Variants in TMIGD3 observed in about 807,000 individuals in gnomAD.
TMIGD3 encodes the protein transmembrane and immunoglobulin domain containing 3, also known as AD026 protein (AD026).
A neutral mutation model predicts 28.1 loss-of-function variants in TMIGD3; 21 were observed. The ratio of observed to expected loss-of-function variants is 0.75; its 90% CI spans 0.53 to 1.08. The LOEUF (loss-of-function observed/expected upper bound fraction) is 1.08. TMIGD3 is among the 50% of genes least tolerant of loss of function. The pLI, the probability that TMIGD3 is intolerant of heterozygous loss-of-function variation, is 0.00. For missense variants in TMIGD3, 416 were observed against 435.6 expected, an observed-to-expected ratio of 0.96 and a Z score of 0.40; for synonymous variants, 151 against 162.1, an observed-to-expected ratio of 0.93 and a Z score of 0.52.
At chr1:111,551,957 C>T (rs1165573488) in intron 1 of TMIGD3, among the ~76,000 whole-genome samples, 3 of 152,142 alleles carry the variant, frequency 2.0e-5, no homozygotes, top group Non-Finnish European at 2.9e-5. Flanking sequence ...ATGCACCTGG[C>T]CTTCTAAATT....
chr1:111,503,195 G>A lies in TMIGD3; in HGVS notation c.160C>T (p.Leu54=). Residue 54 remains leucine, a synonymous_variant, in exon 1 of 6, where the codon CTA becomes TTA. Coordinates refer to ENST00000369716, the MANE Select transcript of TMIGD3 (RefSeq NM_020683.7). ...CCAACAGCAATGTCAGCCAGGGCTA[G>A]AGAGACAATGAAATAGAAGGTGGTG... ...QTTTFYFIVS[L]ALADIAVGVL... is the part of the protein sequence containing the mutation. 1 of 1,614,264 alleles carries A rather than the reference G, an allele frequency of 6.2e-7. No individual in the cohort carries two copies. The highest frequency in any genetic ancestry group is 1.1e-5 in the South Asian group (1 of 91,090).
intron 1 of TMIGD3, among the ~76,000 whole-genome samples, chr1:111,555,017 T>C (rs1657423999): frequency 6.6e-6 from 1 of 151,398 alleles, no homozygotes; most frequent in Non-Finnish European, 1.5e-5. Flanking sequence ...ATATAACACA[T>C]TTAAAAGTAA....
chr1:111,532,936 G>A (rs1656503717), intron 1 of TMIGD3, among the ~76,000 whole-genome samples: 1 of 152,240 alleles, frequency 6.6e-6, no homozygotes, highest in Non-Finnish European at 1.5e-5. Flanking sequence ...TCCCACTAGT[G>A]TGGTTGCGGG....
chr1:111,550,703 C>T (rs1657222373), intron 1 of TMIGD3, among the ~76,000 whole-genome samples: 2 of 152,154 alleles, frequency 1.3e-5, no homozygotes, highest in Non-Finnish European at 2.9e-5. Flanking sequence ...ACTATGTTGC[C>T]CAGCAGGCCT....
upstream of TMIGD3, chr1:111,504,045 G>A (rs1557826067): frequency 1.0e-6 from 1 of 985,438 alleles, no homozygotes; most frequent in South Asian, 4.7e-5. Flanking sequence ...ACCTTAGCCA[G>A]AACTATTCCT....
intron 1 of TMIGD3, among the ~76,000 whole-genome samples, chr1:111,557,912 T>C (rs1347447369): frequency 6.6e-6 from 1 of 152,176 alleles, no homozygotes; most frequent in African/African-American, 2.4e-5. Flanking sequence ...ATGTATCAAA[T>C]AGCTTTAGCC....
At chr1:111,543,580 A>C (rs1193036047) in intron 1 of TMIGD3, among the ~76,000 whole-genome samples, 1 of 151,186 alleles carries the variant, frequency 6.6e-6, no homozygotes, top group East Asian at 1.9e-4. Context: ...TCCTCATTAA[A>C]AGATTAGGCC....
intron 1 of TMIGD3, among the ~76,000 whole-genome samples, chr1:111,493,567 C>A (rs906756021): frequency 3.5e-4 from 53 of 152,270 alleles, no homozygotes; most frequent in Non-Finnish European, 6.6e-4. Flanking sequence ...AAATTACCTG[C>A]CCTCAGGTAT....
intron 1 of TMIGD3, among the ~76,000 whole-genome samples, chr1:111,502,114 A>C (rs1275044302): frequency 9.4e-6 from 1 of 106,632 alleles, no homozygotes; most frequent in African/African-American, 3.4e-5. Flanking sequence ...ATTTAATATA[A>C]TAAATATATA....
rs543964610 is a variant in TMIGD3 at position 111,540,032 on chromosome 1, G to A, written c.107+23814C>T. Reference sequence around the variant, plus strand: ...CATTACTTGAGACCAGATACACAGGGAAACTGAAATTTAATAATTTAATTA... The same window carrying A: ...CATTACTTGAGACCAGATACACAGGAAAACTGAAATTTAATAATTTAATTA... On this transcript the variant is annotated intron_variant, in intron 1 of 5. Transcript: ENST00000369717. Among the ~76,000 whole-genome samples, 3 of 152,224 alleles carry A rather than the reference G, an allele frequency of 2.0e-5. No homozygotes were observed. In the East Asian group the frequency reaches 5.8e-4, roughly 29 times the overall value.
intron 1 of TMIGD3, among the ~76,000 whole-genome samples, chr1:111,497,406 G>A (rs1364443170): frequency 6.6e-6 from 1 of 152,144 alleles, no homozygotes; most frequent in Non-Finnish European, 1.5e-5. Context: ...CACTGCACCC[G>A]GCTCCTGTAA....
At chr1:111,555,552 A>G (rs1303217540) in intron 1 of TMIGD3, among the ~76,000 whole-genome samples, 2 of 152,052 alleles carry the variant, frequency 1.3e-5, no homozygotes, top group African/African-American at 4.8e-5. Flanking sequence ...TTCAGCTTAG[A>G]GAAATCATGA....
chr1:111,496,610 A>T (rs1654897400), intron 1 of TMIGD3, among the ~76,000 whole-genome samples: 1 of 152,238 alleles, frequency 6.6e-6, no homozygotes. Flanking sequence ...CAAATACCTC[A>T]TGAAAGTTTC....
intron 1 of TMIGD3, among the ~76,000 whole-genome samples, chr1:111,546,868 A>T (rs867627102): frequency 2.6e-5 from 4 of 152,304 alleles, no homozygotes; most frequent in Middle Eastern, 3.4e-3. Flanking sequence ...CAGTGGCTGC[A>T]CCAGTTTACA....
At chr1:111,520,862 A>G (rs1187012332) in intron 1 of TMIGD3, among the ~76,000 whole-genome samples, 1 of 152,220 alleles carries the variant, frequency 6.6e-6, no homozygotes, top group African/African-American at 2.4e-5. Context: ...TTAGCATGCA[A>G]TAAATTGCAT....
intron 1 of TMIGD3, among the ~76,000 whole-genome samples, chr1:111,528,740 T>C (rs1281878690): frequency 6.6e-6 from 1 of 152,176 alleles, no homozygotes; most frequent in Admixed American, 6.5e-5. Flanking sequence ...CTTATATTGT[T>C]AGATTTATGC....
intron 1 of TMIGD3, among the ~76,000 whole-genome samples, chr1:111,543,522 A>G (rs770332157): frequency 6.6e-6 from 1 of 152,158 alleles, no homozygotes; most frequent in African/African-American, 2.4e-5. Context: ...ATGTTAACAC[A>G]ATCCTTTCTG....
In TMIGD3 at chr1:111,488,870, G is replaced by A; in HGVS notation, c.612C>T (p.Asn204=). The part of the protein sequence containing the change: ...DYCNIIAFSP[N]STNHVALRDT... ...CCCTCAGGGCCACATGATTGGTGCTGTTAGGGGAGAAGGCGATGATGTTGC... is the reference window on the plus strand; with the variant it reads ...CCCTCAGGGCCACATGATTGGTGCTATTAGGGGAGAAGGCGATGATGTTGC... The change falls in exon 3 of 6, where the codon AAC becomes AAT. Residue 204 remains asparagine (N), a synonymous_variant. Coordinates refer to ENST00000369716, the MANE Select transcript of TMIGD3 (RefSeq NM_020683.7). The A allele has an allele frequency of 6.2e-7, 1 of 1,614,232 alleles. No individual in the cohort carries two copies. Among genetic ancestry groups the A allele is most frequent in the Non-Finnish European group, 8.5e-7 (1 of 1,180,046 alleles).
chr1:111,493,310 A>T (rs1433051977), intron 1 of TMIGD3, among the ~76,000 whole-genome samples: 1 of 152,124 alleles, frequency 6.6e-6, no homozygotes. Flanking sequence ...CATCATTGTC[A>T]TCATGGTAAT....
Sources: gnomAD v4.1 joint callset for allele counts (sites outside exome capture counted in the v4.1 genomes callset) on GRCh38, gnomAD v4.1.1 for gene constraint, MANE v1.5 for transcripts, NCBI Gene and HGNC (gene_info 2026-07-23, HGNC 2026-07-21) for gene names.